OR1A2: variants seen among roughly 807,000 people sequenced by gnomAD.
The protein encoded by OR1A2 is olfactory receptor family 1 subfamily A member 2.
For missense variants in OR1A2, 354 were observed against 372.8 expected, an observed-to-expected ratio of 0.95 and a Z score of 0.42; for synonymous variants, 131 against 140.0, an observed-to-expected ratio of 0.94 and a Z score of 0.46.
At position 3,198,442 on chromosome 17, in the gene OR1A2, C is replaced by G. The variant is rs977947332; in HGVS notation, c.924C>G (p.Ser308=). The change falls in exon 1 of 1, where the codon TCC becomes TCG. Residue 308 remains serine, a synonymous_variant. Coordinates refer to ENST00000381951, the MANE Select transcript of OR1A2 (RefSeq NM_012352.3). ...ALQKLFSKRI[S]S is the part of the protein sequence containing the mutation. Reference sequence around the variant, plus strand: ...AGAAACTCTTCAGCAAGAGAATCTCCTCATAGCCGCTGTGAGATTACACGC... The same window carrying G: ...AGAAACTCTTCAGCAAGAGAATCTCGTCATAGCCGCTGTGAGATTACACGC... 5.6e-6 allele frequency: 9 copies of G among 1,611,472 alleles called. No individual in the cohort carries two copies. Among genetic ancestry groups the G allele is most frequent in the Non-Finnish European group, 7.6e-6 (9 of 1,177,906 alleles).
Position 3,197,857 on chromosome 17 carries a change from T to C in OR1A2, c.339T>C (p.Tyr113=), listed in dbSNP as rs1567521344. 5.0e-6 allele frequency: 8 copies of C among 1,612,494 alleles called. No homozygotes were observed. Among genetic ancestry groups the C allele is most frequent in the South Asian group, 1.1e-5 (1 of 90,866 alleles). The change falls in exon 1 of 1, where the codon TAT becomes TAC. Residue 113 remains tyrosine, a synonymous_variant. Transcript: ENST00000381951. ...FMIALAKADS[Y]TLAAMAYDRA... Reference sequence around the variant, plus strand: ...TAGCCTTGGCCAAGGCAGACAGCTATACCTTGGCTGCAATGGCATACGATC... The same window carrying C: ...TAGCCTTGGCCAAGGCAGACAGCTACACCTTGGCTGCAATGGCATACGATC...
In OR1A2 at chr17:3,197,521, GAAGA is replaced by G. The variant is rs752623057; in HGVS notation, c.10_13del (p.Glu4IlefsTer25). On this transcript the variant is annotated frameshift_variant, in exon 1 of 1. Coordinates refer to ENST00000381951, the MANE Select transcript of OR1A2 (RefSeq NM_012352.3). LOFTEE classifies it low-confidence loss of function (END_TRUNC). ...TCCCCTTTCATGCTGAAGAAGCCATGAAGAAAGAAAATCAATCCTTTAACCTGGA... is the reference window on the plus strand; with the variant it reads ...TCCCCTTTCATGCTGAAGAAGCCATGAAGAAAATCAATCCTTTAACCTGGA... 6.3e-7 allele frequency: 1 copy of G among 1,592,602 alleles called. No homozygotes were observed. Among genetic ancestry groups the G allele is most frequent in the Admixed American group, 1.7e-5 (1 of 59,208 alleles).
chr17:3,197,865 C>T lies in OR1A2; in HGVS notation c.347C>T (p.Ala116Val). The T allele has an allele frequency of 6.2e-7, 1 of 1,612,522 alleles. No homozygotes were observed. Among genetic ancestry groups the T allele is most frequent in the Non-Finnish European group, 8.5e-7 (1 of 1,179,102 alleles). ...ALAKADSYTL[A>V]AMAYDRAVAI... ...GCCAAGGCAGACAGCTATACCTTGG[C>T]TGCAATGGCATACGATCGAGCTGTG... Residue 116 changes from alanine (A) to valine (V), a missense_variant, in exon 1 of 1, where the codon GCT becomes GTT. Physicochemically the swap from Ala to Val is moderately conservative, Grantham distance 64 (BLOSUM62 0). Transcript: ENST00000381951.
At position 3,197,748 on chromosome 17, in the gene OR1A2, C is replaced by T; in HGVS notation, c.230C>T (p.Thr77Ile). 1 of 1,588,856 alleles carries T rather than the reference C, an allele frequency of 6.3e-7. No individual in the cohort carries two copies. The highest frequency in any genetic ancestry group is 8.6e-7 in the Non-Finnish European group (1 of 1,167,048). Reference sequence around the variant, plus strand: ...GTTGACATCATCTTCTCATCCGTAACCATCCCTAAGGTGCTGGCCAACCAT... The same window carrying T: ...GTTGACATCATCTTCTCATCCGTAATCATCCCTAAGGTGCTGGCCAACCAT... ...SLVDIIFSSVTIPKVLANHLL... is the reference protein window; with the variant it reads ...SLVDIIFSSVIIPKVLANHLL... The change falls in exon 1 of 1, where the codon ACC (threonine) becomes ATC (isoleucine). Residue 77 changes from threonine to isoleucine, a missense_variant. By Grantham distance (89) the Thr-to-Ile change is moderately conservative. Coordinates refer to ENST00000381951, the MANE Select transcript of OR1A2 (RefSeq NM_012352.3).
chr17:3,197,724 T>A lies in OR1A2; in HGVS notation c.206T>A (p.Val69Asp). The change falls in exon 1 of 1, where the codon GTT becomes GAT. Residue 69 changes from valine to aspartate, a missense_variant. Coordinates refer to ENST00000381951, the MANE Select transcript of OR1A2 (RefSeq NM_012352.3). ...MYFLLANLSL[V>D]DIIFSSVTIP... ...TTTCTCCTTGCCAACCTCTCCTTGG[T>A]TGACATCATCTTCTCATCCGTAACC... The A allele has an allele frequency of 3.2e-6, 5 of 1,586,658 alleles. No individual in the cohort carries two copies. The highest frequency in any genetic ancestry group is 4.3e-6 in the Non-Finnish European group (5 of 1,166,188).
At position 3,198,282 on chromosome 17, in the gene OR1A2, T is replaced by C. The variant is rs2048372375; in HGVS notation, c.764T>C (p.Met255Thr). Reference protein sequence around the residue: ...TVVFLYYGTTMGMYFRPLTSY... With the variant: ...TVVFLYYGTTTGMYFRPLTSY... ...GTTTTTTTATATTATGGTACAACGA[T>C]GGGCATGTATTTCCGCCCTCTGACC... The change falls in exon 1 of 1, where the codon ATG (methionine) becomes ACG (threonine). Residue 255 changes from methionine (M) to threonine (T), a missense_variant. By Grantham distance (81) the Met-to-Thr change is moderately conservative. Transcript: ENST00000381951. The C allele has an allele frequency of 6.2e-7, 1 of 1,614,054 alleles. No individual in the cohort carries two copies. Among genetic ancestry groups the C allele is most frequent in the Non-Finnish European group, 8.5e-7 (1 of 1,180,036 alleles).
Position 3,197,919 on chromosome 17 carries a change from C to A in OR1A2, c.401C>A (p.Thr134Lys). Residue 134 changes from threonine (T) to lysine (K), a missense_variant, in exon 1 of 1, where the codon ACA becomes AAA. By Grantham distance (78) the Thr-to-Lys change is moderately conservative (BLOSUM62 -1). Coordinates refer to ENST00000381951, the MANE Select transcript of OR1A2 (RefSeq NM_012352.3). ...ATCAGCTGCCCACTTCATTACACAA[C>A]AATTATGAGTCCACGGTCTTGTATC... is the stretch of plus-strand genomic sequence containing the variant. ...VAISCPLHYTTIMSPRSCILL... is the reference protein window; with the variant it reads ...VAISCPLHYTKIMSPRSCILL... The A allele has an allele frequency of 6.2e-7, 1 of 1,614,082 alleles. No homozygotes were observed. Among genetic ancestry groups the A allele is most frequent in the South Asian group, 1.1e-5 (1 of 91,072 alleles).
chr17:3,198,207 C>A lies in OR1A2; in HGVS notation c.689C>A (p.Thr230Asn). The A allele has an allele frequency of 6.2e-7, 1 of 1,613,520 alleles. No individual in the cohort carries two copies. Among genetic ancestry groups the A allele is most frequent in the Non-Finnish European group, 8.5e-7 (1 of 1,179,698 alleles). ...VFSTVFQVPS[T>N]KSLFKAFCTC... is the part of the protein sequence containing the mutation. ...TCCACAGTCTTCCAAGTTCCATCTA[C>A]CAAGAGTCTATTCAAAGCCTTCTGC... The change falls in exon 1 of 1, where the codon ACC (threonine) becomes AAC (asparagine). Residue 230 changes from threonine to asparagine, a missense_variant. Thr to Asn is a moderately conservative substitution (Grantham distance 65). Transcript: ENST00000381951.
At position 3,198,017 on chromosome 17, in the gene OR1A2, T is replaced by A; in HGVS notation, c.499T>A (p.Ser167Thr). The change falls in exon 1 of 1, where the codon TCC (serine) becomes ACC (threonine). Residue 167 changes from serine (S) to threonine (T), a missense_variant. Physicochemically the swap from Ser to Thr is moderately conservative, Grantham distance 58. Coordinates refer to ENST00000381951, the MANE Select transcript of OR1A2 (RefSeq NM_012352.3). ...LPHTLLTASL[S>T]FCGNQEVANF... ...CCACACTCTGCTCACAGCTAGTTTGTCCTTCTGTGGCAACCAGGAAGTAGC... is the reference window on the plus strand; with the variant it reads ...CCACACTCTGCTCACAGCTAGTTTGACCTTCTGTGGCAACCAGGAAGTAGC... 1.2e-6 allele frequency: 2 copies of A among 1,612,478 alleles called. No homozygotes were observed. Among genetic ancestry groups the A allele is most frequent in the South Asian group, 1.1e-5 (1 of 90,906 alleles).
At position 3,198,152 on chromosome 17, in the gene OR1A2, T is replaced by G. The variant is rs751472380; in HGVS notation, c.634T>G (p.Cys212Gly). ...CGGCGTTTTCTCTTTGCCATTACTA[T>G]GCATCATTGTCTCCTATGTTCAGGT... The part of the protein sequence containing the change: ...GVGVFSLPLL[C>G]IIVSYVQVFS... Residue 212 changes from cysteine (C) to glycine (G), a missense_variant, in exon 1 of 1, where the codon TGC becomes GGC. Physicochemically the swap from Cys to Gly is radical, Grantham distance 159. Coordinates refer to ENST00000381951, the MANE Select transcript of OR1A2 (RefSeq NM_012352.3). 1 of 1,612,534 alleles carries G rather than the reference T, an allele frequency of 6.2e-7. No homozygotes were observed. The highest frequency in any genetic ancestry group is 8.5e-7 in the Non-Finnish European group (1 of 1,179,324).
At position 3,198,341 on chromosome 17, in the gene OR1A2, A is replaced by G; in HGVS notation, c.823A>G (p.Met275Val). Residue 275 changes from methionine to valine, a missense_variant, in exon 1 of 1, where the codon ATG (methionine) becomes GTG (valine). Transcript: ENST00000381951. The stretch of plus-strand genomic sequence containing the variant: ...CCCCAAAGATGCAGTGATAACTGTG[A>G]TGTATGTGGCAGTGACCCCAGCATT... ...YSPKDAVITV[M>V]YVAVTPALNP... 6.2e-7 allele frequency: 1 copy of G among 1,614,046 alleles called. No homozygotes were observed. Among genetic ancestry groups the G allele is most frequent in the Non-Finnish European group, 8.5e-7 (1 of 1,179,930 alleles).
At position 3,198,378 on chromosome 17, in the gene OR1A2, T is replaced by A; in HGVS notation, c.860T>A (p.Ile287Asn). 5 of 1,614,124 alleles carry A rather than the reference T, an allele frequency of 3.1e-6. No homozygotes were observed. In the South Asian group the frequency reaches 4.4e-5, roughly 14 times the overall value. Reference sequence around the variant, plus strand: ...GTGACCCCAGCATTAAATCCTTTCATCTATAGTCTGAGAAATTGGGATATG... The same window carrying A: ...GTGACCCCAGCATTAAATCCTTTCAACTATAGTCTGAGAAATTGGGATATG... ...VAVTPALNPF[I>N]YSLRNWDMKA... Residue 287 changes from isoleucine to asparagine, a missense_variant, in exon 1 of 1, where the codon ATC (isoleucine) becomes AAC (asparagine). Transcript: ENST00000381951.
chr17:3,198,358 C>T lies in OR1A2; in HGVS notation c.840C>T (p.Thr280=). The T allele has an allele frequency of 6.2e-7, 1 of 1,613,958 alleles. No individual in the cohort carries two copies. The highest frequency in any genetic ancestry group is 8.5e-7 in the Non-Finnish European group (1 of 1,179,938). ...AVITVMYVAV[T]PALNPFIYSL... ...TAACTGTGATGTATGTGGCAGTGAC[C>T]CCAGCATTAAATCCTTTCATCTATA... is the stretch of plus-strand genomic sequence containing the variant. Residue 280 remains threonine (T), a synonymous_variant, in exon 1 of 1, where the codon ACC becomes ACT. Coordinates refer to ENST00000381951, the MANE Select transcript of OR1A2 (RefSeq NM_012352.3).
chr17:3,198,154 C>T lies in OR1A2; in HGVS notation c.636C>T (p.Cys212=). The change falls in exon 1 of 1, where the codon TGC becomes TGT. Residue 212 remains cysteine, a synonymous_variant. Coordinates refer to ENST00000381951, the MANE Select transcript of OR1A2 (RefSeq NM_012352.3). ...GCGTTTTCTCTTTGCCATTACTATG[C>T]ATCATTGTCTCCTATGTTCAGGTCT... ...GVGVFSLPLL[C]IIVSYVQVFS... 1 of 1,612,430 alleles carries T rather than the reference C, an allele frequency of 6.2e-7. No homozygotes were observed. The highest frequency in any genetic ancestry group is 8.5e-7 in the Non-Finnish European group (1 of 1,179,272).
rs1406060029 is a variant in OR1A2, at chr17:3,198,269, T to G, written c.751T>G (p.Tyr251Asp). 68 of 1,614,026 alleles carry G rather than the reference T, an allele frequency of 4.2e-5. No individual in the cohort carries two copies. Among genetic ancestry groups the G allele is most frequent in the Non-Finnish European group, 5.6e-5 (66 of 1,180,014 alleles). Reference protein sequence around the residue: ...GSHLTVVFLYYGTTMGMYFRP... With the variant: ...GSHLTVVFLYDGTTMGMYFRP... Reference sequence around the variant, plus strand: ...CCACCTCACAGTTGTTTTTTTATATTATGGTACAACGATGGGCATGTATTT... The same window carrying G: ...CCACCTCACAGTTGTTTTTTTATATGATGGTACAACGATGGGCATGTATTT... The change falls in exon 1 of 1, where the codon TAT (tyrosine) becomes GAT (aspartate). Residue 251 changes from tyrosine to aspartate, a missense_variant. Transcript: ENST00000381951.
At position 3,198,351 on chromosome 17, in the gene OR1A2, C is replaced by T. The variant is rs763909780; in HGVS notation, c.833C>T (p.Ala278Val). 2 of 1,614,050 alleles carry T rather than the reference C, an allele frequency of 1.2e-6. No homozygotes were observed. The highest frequency in any genetic ancestry group is 1.1e-5 in the South Asian group (1 of 91,058). ...KDAVITVMYVAVTPALNPFIY... is the reference protein window; with the variant it reads ...KDAVITVMYVVVTPALNPFIY... Reference sequence around the variant, plus strand: ...GCAGTGATAACTGTGATGTATGTGGCAGTGACCCCAGCATTAAATCCTTTC... The same window carrying T: ...GCAGTGATAACTGTGATGTATGTGGTAGTGACCCCAGCATTAAATCCTTTC... Residue 278 changes from alanine (A) to valine (V), a missense_variant, in exon 1 of 1, where the codon GCA (alanine) becomes GTA (valine). Physicochemically the swap from Ala to Val is moderately conservative, Grantham distance 64. Transcript: ENST00000381951.
In OR1A2 at chr17:3,198,054, G is replaced by A. The variant is rs1202398659; in HGVS notation, c.536G>A (p.Cys179Tyr). The change falls in exon 1 of 1, where the codon TGT (cysteine) becomes TAT (tyrosine). Residue 179 changes from cysteine to tyrosine, a missense_variant. Physicochemically the swap from Cys to Tyr is radical, Grantham distance 194. Transcript: ENST00000381951. ...AACCAGGAAGTAGCCAATTTCTACTGTGACATTATGCCTTTGCTGAAGTTG... is the reference window on the plus strand; with the variant it reads ...AACCAGGAAGTAGCCAATTTCTACTATGACATTATGCCTTTGCTGAAGTTG... Reference protein sequence around the residue: ...CGNQEVANFYCDIMPLLKLSC... With the variant: ...CGNQEVANFYYDIMPLLKLSC... The A allele has an allele frequency of 2.5e-6, 4 of 1,609,890 alleles. No homozygotes were observed. Among genetic ancestry groups the A allele is most frequent in the South Asian group, 1.1e-5 (1 of 90,514 alleles).
rs754901352 is a variant in OR1A2 at position 3,198,169 on chromosome 17, T to C, written c.651T>C (p.Tyr217=). 3 of 1,612,748 alleles carry C rather than the reference T, an allele frequency of 1.9e-6. No homozygotes were observed. Among genetic ancestry groups the C allele is most frequent in the South Asian group, 1.1e-5 (1 of 90,898 alleles). ...CATTACTATGCATCATTGTCTCCTA[T>C]GTTCAGGTCTTTTCCACAGTCTTCC... The part of the protein sequence containing the change: ...SLPLLCIIVS[Y]VQVFSTVFQV... The change falls in exon 1 of 1, where the codon TAT becomes TAC. Residue 217 remains tyrosine, a synonymous_variant. Transcript: ENST00000381951.
At position 3,198,141 on chromosome 17, in the gene OR1A2, T is replaced by G. The variant is rs750021378; in HGVS notation, c.623T>G (p.Leu208Trp). Residue 208 changes from leucine to tryptophan, a missense_variant, in exon 1 of 1, where the codon TTG (leucine) becomes TGG (tryptophan). Coordinates refer to ENST00000381951, the MANE Select transcript of OR1A2 (RefSeq NM_012352.3). Reference sequence around the variant, plus strand: ...TACCTAGGGGTCGGCGTTTTCTCTTTGCCATTACTATGCATCATTGTCTCC... The same window carrying G: ...TACCTAGGGGTCGGCGTTTTCTCTTGGCCATTACTATGCATCATTGTCTCC... ...MMYLGVGVFSLPLLCIIVSYV... is the reference protein window; with the variant it reads ...MMYLGVGVFSWPLLCIIVSYV... The G allele has an allele frequency of 7.7e-5, 124 of 1,611,932 alleles. No homozygotes were observed. The highest frequency in any genetic ancestry group is 8.9e-5 in the Non-Finnish European group (105 of 1,179,126).
Sources: gnomAD v4.1 joint callset for allele counts on GRCh38, gnomAD v4.1.1 for gene constraint, MANE v1.5 for transcripts, NCBI Gene and HGNC (gene_info 2026-07-23, HGNC 2026-07-21) for gene names.